GLT8D2: variants seen among roughly 807,000 people sequenced by gnomAD.
GLT8D2 encodes glycosyltransferase 8 domain containing 2, also known as glycosyltransferase 8 domain-containing protein 2.
A neutral mutation model predicts 44.5 loss-of-function variants in GLT8D2; 45 were observed. The observed-to-expected ratio is 1.01, with a 90% CI of 0.80 to 1.30. The LOEUF is 1.30. Among genes scored for constraint, GLT8D2 ranks in the 50% most tolerant of loss-of-function variants. GLT8D2 has a pLI of 0.00. For missense variants in GLT8D2, 400 were observed against 430.4 expected, an observed-to-expected ratio of 0.93 and a Z score of 0.62; for synonymous variants, 156 against 157.2, an observed-to-expected ratio of 0.99 and a Z score of 0.06.
intron 3 of GLT8D2, among the ~76,000 whole-genome samples, chr12:104,017,409 G>A (rs571587714): frequency 2.6e-5 from 4 of 152,224 alleles, no homozygotes; most frequent in East Asian, 1.9e-4. Context: ...TGCAACCTCT[G>A]CCTCCTGGAT....
chr12:104,024,428 G>A (rs1162467063), intron 1 of GLT8D2, among the ~76,000 whole-genome samples: 1 of 151,896 alleles, frequency 6.6e-6, no homozygotes, highest in African/African-American at 2.4e-5. Context: ...GAGAGACCTT[G>A]TCTGAAAAAA....
chr12:104,002,964 G>T (rs1230994811), intron 5 of GLT8D2, among the ~76,000 whole-genome samples, 171 bp downstream of exon 5: 2 of 149,954 alleles, frequency 1.3e-5, no homozygotes, highest in East Asian at 4.0e-4. Flanking sequence ...GAGAGAAAGA[G>T]AGAAAGACAG....
chr12:104,058,851 T>A (rs1169173487), intron 1 of GLT8D2, among the ~76,000 whole-genome samples: 1 of 152,186 alleles, frequency 6.6e-6, no homozygotes, highest in Non-Finnish European at 1.5e-5. Context: ...GATGCTCCCT[T>A]ACCCAAGGGG....
Position 103,993,439 on chromosome 12 carries a change from T to G in GLT8D2, c.833A>C (p.His278Pro), listed in dbSNP as rs773686610. Residue 278 changes from histidine to proline, a missense_variant, in exon 10 of 11, where the codon CAT becomes CCT. Physicochemically the swap from His to Pro is moderately conservative, Grantham distance 77. Transcript: ENST00000360814. Reference protein sequence around the residue: ...VATSPMLIVFHGKYSTINPLW... With the variant: ...VATSPMLIVFPGKYSTINPLW... ...GGGGTTAATTGTGGAATATTTCCCA[T>G]GAAACACAATCAGCATTGGGGAGGT... 6 of 1,614,086 alleles carry G rather than the reference T, an allele frequency of 3.7e-6. No homozygotes were observed. The South Asian group carries it at 6.6e-5, about 18-fold the overall frequency.
intron 4 of GLT8D2, among the ~76,000 whole-genome samples, chr12:104,004,144 A>G (rs945251425): frequency 6.6e-6 from 1 of 152,252 alleles, no homozygotes; most frequent in Non-Finnish European, 1.5e-5. Flanking sequence ...GATTATATCA[A>G]TAGAAGCAGA....
chr12:104,044,903 A>G (rs1252220404), intron 1 of GLT8D2, among the ~76,000 whole-genome samples: 16 of 152,246 alleles, frequency 1.1e-4, no homozygotes, highest in Middle Eastern at 3.2e-3. Context: ...ACCAGTTGCT[A>G]ACATGTTGAC....
At chr12:104,014,438 T>C in intron 4 of GLT8D2, 2 of 591,584 alleles carry the variant, frequency 3.4e-6, no homozygotes, top group Non-Finnish European at 6.1e-6. Flanking sequence ...TGCATTGGAG[T>C]TTTGAAGGTG....
intron 1 of GLT8D2, among the ~76,000 whole-genome samples, chr12:104,058,413 C>A (rs1440105189): frequency 2.0e-5 from 3 of 152,112 alleles, no homozygotes; most frequent in African/African-American, 7.2e-5. Context: ...TATTTGAGTT[C>A]TCGGATATTG....
Position 103,994,390 on chromosome 12 carries a change from A to T in GLT8D2, c.712T>A (p.Trp238Arg). Residue 238 changes from tryptophan (W) to arginine (R), a missense_variant, in exon 9 of 11, where the codon TGG becomes AGG. Trp to Arg is a moderately radical substitution (Grantham distance 101). Transcript: ENST00000360814. ...TGCTTGGTGATGCGCTGGTGCTTCC[A>T]TTCTGTCATGTTGGCAACAATCACA... ...PGVIVANMTE[W>R]KHQRITKQLE... is the part of the protein sequence containing the mutation. The T allele has an allele frequency of 6.2e-7, 1 of 1,614,042 alleles. No individual in the cohort carries two copies. The highest frequency in any genetic ancestry group is 8.5e-7 in the Non-Finnish European group (1 of 1,179,972).
intron 1 of GLT8D2, among the ~76,000 whole-genome samples, chr12:104,021,708 G>C (rs1280759306): frequency 1.3e-5 from 2 of 151,426 alleles, no homozygotes; most frequent in Non-Finnish European, 1.5e-5. Context: ...AGGATCACTT[G>C]AGCCCAGGAG....
rs746847035 is a variant in GLT8D2, at chr12:104,003,306, T to C, written c.113A>G (p.Asp38Gly). Residue 38 changes from aspartate to glycine, a missense_variant and splice_region_variant, in exon 5 of 11, where the codon GAT (aspartate) becomes GGT (glycine). Transcript: ENST00000360814. ...TTCTTCAGGAGTCTCGGATTCATCA[T>C]CTGGAAACATAAAAACTGGTGTCTT... Reference protein sequence around the residue: ...HKGTVPKNDADDESETPEELE... With the variant: ...HKGTVPKNDAGDESETPEELE... The C allele has an allele frequency of 3.7e-6, 6 of 1,613,768 alleles. No individual in the cohort carries two copies. The highest frequency in any genetic ancestry group is 2.2e-5 in the South Asian group (2 of 91,060).
intron 1 of GLT8D2, among the ~76,000 whole-genome samples, chr12:104,022,371 T>C (rs1431980800): frequency 6.6e-6 from 1 of 152,122 alleles, no homozygotes; most frequent in South Asian, 2.1e-4. Flanking sequence ...CAGGGACAGA[T>C]TTGCGATGAG....
In GLT8D2 at chr12:104,016,764, AAAGAAAGAAAGAAGG is replaced by A. The variant is rs1348860421; in HGVS notation, c.20-1674_20-1660del. ...GAAAGAAAGAAAGAAAGAAAGAAAG[AAAGAAAGAAAGAAGG>A]AAGGAAGGAAGGAAGGAAGGAAGGA... On this transcript the variant is annotated intron_variant, in intron 3 of 10. Coordinates refer to ENST00000360814, the MANE Select transcript of GLT8D2 (RefSeq NM_001384711.1). Among the ~76,000 whole-genome samples, 166 of 98,562 alleles carry A rather than the reference AAAGAAAGAAAGAAGG, an allele frequency of 1.7e-3. 8 individuals are homozygous for A. The East Asian group carries it at 0.019, about 12-fold the overall frequency. The allele number at this position is 98,562 out of a possible 152,430, so 64.7% of individuals were successfully genotyped here.
intron 1 of GLT8D2, among the ~76,000 whole-genome samples, chr12:104,025,102 G>T (rs371827882): frequency 6.8e-6 from 1 of 148,048 alleles, no homozygotes; most frequent in South Asian, 2.1e-4. Flanking sequence ...CCTGTGTTAC[G>T]CGATTTGCAA....
At chr12:103,991,823 T>TAA (rs11340919) in intron 10 of GLT8D2, among the ~76,000 whole-genome samples, 31,998 of 122,694 alleles carry the variant, frequency 0.26, 4,727 homozygotes, top group Non-Finnish European at 0.34. Context: ...TTACGTCCTT[T>TAA]AAAAAAAAAA....
chr12:104,032,634 T>C (rs1177777698), intron 1 of GLT8D2, among the ~76,000 whole-genome samples: 3 of 152,138 alleles, frequency 2.0e-5, no homozygotes, highest in Non-Finnish European at 4.4e-5. Flanking sequence ...TCTGTTAGAA[T>C]GGCTATTATC....
chr12:104,021,776 C>T (rs12813601), intron 1 of GLT8D2, among the ~76,000 whole-genome samples: 2,243 of 146,218 alleles, frequency 0.015, 32 homozygotes, highest in Middle Eastern at 0.029. Context: ...GAGCAAAACC[C>T]TGTTTTAAAA....
chr12:104,041,917 C>G (rs1880606863), intron 1 of GLT8D2, among the ~76,000 whole-genome samples: 1 of 152,192 alleles, frequency 6.6e-6, no homozygotes, highest in Non-Finnish European at 1.5e-5. Flanking sequence ...TCCACCAAAC[C>G]AAACCAAGAT....
intron 1 of GLT8D2, among the ~76,000 whole-genome samples, chr12:104,026,178 C>G (rs1395915661): frequency 1.3e-5 from 2 of 151,274 alleles, no homozygotes; most frequent in Non-Finnish European, 2.9e-5. Context: ...ACTCGGGAGG[C>G]TGAGGCACAA....
Sources: gnomAD v4.1 joint callset for allele counts (sites outside exome capture counted in the v4.1 genomes callset) on GRCh38, gnomAD v4.1.1 for gene constraint, MANE v1.5 for transcripts, NCBI Gene and HGNC (gene_info 2026-07-23, HGNC 2026-07-21) for gene names.